ROBO2: variants seen among roughly 807,000 people sequenced by gnomAD.
ROBO2 encodes the protein roundabout guidance receptor 2.
ROBO2 carries 53 observed loss-of-function variants against 160.8 expected under a neutral mutation model. The ratio of observed to expected loss-of-function variants is 0.33; its 90% CI spans 0.26 to 0.41. The LOEUF is 0.41. ROBO2 is among the 10% of genes least tolerant of loss of function. The probability of loss-of-function intolerance (pLI) is 1.00; values close to 1 mark genes in which losing one functional copy is unlikely to be tolerated. For missense variants in ROBO2, 1,577 were observed against 1,722.4 expected, an observed-to-expected ratio of 0.92 and a Z score of 1.49; for synonymous variants, 664 against 611.7, an observed-to-expected ratio of 1.09 and a Z score of -1.26.
At chr3:76,207,002 G>C in intron 2 of ROBO2, among the ~76,000 whole-genome samples, 1 of 152,016 alleles carries the variant, frequency 6.6e-6, no homozygotes, top group Non-Finnish European at 1.5e-5. Context: ...ATAAATTTTA[G>C]ATATAACCAC....
intron 2 of ROBO2, among the ~76,000 whole-genome samples, chr3:76,160,670 T>A (rs1476659474): frequency 6.6e-6 from 1 of 152,212 alleles, no homozygotes; most frequent in Non-Finnish European, 1.5e-5. Flanking sequence ...AGCCTCATCA[T>A]AAATTTGATA....
intron 2 of ROBO2, among the ~76,000 whole-genome samples, chr3:75,953,677 C>T (rs1188518086): frequency 6.6e-6 from 1 of 151,888 alleles, no homozygotes; most frequent in Non-Finnish European, 1.5e-5. Flanking sequence ...AGGCCCCTTT[C>T]AAACAGTCAT....
At chr3:76,702,442 A>G (rs1347482637) in intron 2 of ROBO2, among the ~76,000 whole-genome samples, 1 of 151,662 alleles carries the variant, frequency 6.6e-6, no homozygotes, top group African/African-American at 2.4e-5. Flanking sequence ...TGAGGTTCAT[A>G]TACAAAACAA....
chr3:76,834,275 G>A (rs1167718369), intron 2 of ROBO2, among the ~76,000 whole-genome samples: 1 of 149,818 alleles, frequency 6.7e-6, no homozygotes, highest in Non-Finnish European at 1.5e-5. Flanking sequence ...TACAATCATA[G>A]CTCCTGGGCT....
At position 76,751,884 on chromosome 3, in the gene ROBO2, C is replaced by T. The variant is rs532693497; in HGVS notation, c.110-346130C>T. Among the ~76,000 whole-genome samples, 20 of 152,008 alleles carry T rather than the reference C, an allele frequency of 1.3e-4. No individual in the cohort carries two copies. In the South Asian group the frequency reaches 3.1e-3, roughly 24 times the overall value. Reference sequence around the variant, plus strand: ...TCAACCATTGTGGAAGACAGTGTGGCGATTCCTCAAGGATCTAGAACTAGA... The same window carrying T: ...TCAACCATTGTGGAAGACAGTGTGGTGATTCCTCAAGGATCTAGAACTAGA... On this transcript the variant is annotated intron_variant, in intron 2 of 26. Coordinates refer to the ROBO2 transcript ENST00000487694.
chr3:77,387,553 T>C (rs1206719251), intron 2 of ROBO2, among the ~76,000 whole-genome samples: 1 of 151,690 alleles, frequency 6.6e-6, no homozygotes, highest in Non-Finnish European at 1.5e-5. Context: ...AACTGCTGCC[T>C]GAAATTTTCT....
intron 2 of ROBO2, among the ~76,000 whole-genome samples, chr3:77,359,709 C>T (rs189889284): frequency 2.0e-5 from 3 of 152,230 alleles, no homozygotes; most frequent in East Asian, 1.9e-4. Context: ...AATGAGGTCT[C>T]GCCCTTTCAC....
At chr3:77,290,458 T>G (rs373331515) in intron 2 of ROBO2, among the ~76,000 whole-genome samples, 53 of 8,960 alleles carry the variant, frequency 5.9e-3, no homozygotes, top group African/African-American at 9.6e-3. Flanking sequence ...AGAATTGATG[T>G]TTAAATGGGT....
intron 1 of ROBO2, among the ~76,000 whole-genome samples, chr3:75,931,192 T>A (rs1329656271): frequency 6.6e-6 from 1 of 152,228 alleles, no homozygotes; most frequent in Non-Finnish European, 1.5e-5. Context: ...GCCAAGATGT[T>A]GCTCATATAT....
chr3:77,370,899 A>T (rs190024595), intron 2 of ROBO2, among the ~76,000 whole-genome samples: 55 of 152,218 alleles, frequency 3.6e-4, no homozygotes, highest in East Asian at 1.9e-4. Context: ...ACTTTTACAG[A>T]TCTCTGCCCT....
intron 2 of ROBO2, among the ~76,000 whole-genome samples, chr3:76,907,989 A>G (rs2075728552): frequency 6.6e-6 from 1 of 152,088 alleles, no homozygotes; most frequent in Middle Eastern, 3.4e-3. Context: ...ATAGGCGCCC[A>G]CCACCGTGCC....
At chr3:76,122,043 GA>G (rs1334164230) in intron 2 of ROBO2, among the ~76,000 whole-genome samples, 1 of 152,140 alleles carries the variant, frequency 6.6e-6, no homozygotes, top group Admixed American at 6.5e-5. Context: ...TGAATGCATG[GA>G]AAGCCTGCAT....
At chr3:77,049,805 G>C (rs1290021961) in intron 1 of ROBO2, among the ~76,000 whole-genome samples, 2 of 152,128 alleles carry the variant, frequency 1.3e-5, no homozygotes, top group African/African-American at 4.8e-5. Context: ...CCACTGAAAG[G>C]CTTTTCAAGT....
chr3:76,841,744 A>G (rs1475947073), intron 2 of ROBO2, among the ~76,000 whole-genome samples: 2 of 152,222 alleles, frequency 1.3e-5, no homozygotes, highest in Non-Finnish European at 2.9e-5. Context: ...GCCGCTTCTA[A>G]ATCCTCAAGA....
chr3:76,418,162 A>G (rs1188955023), intron 2 of ROBO2, among the ~76,000 whole-genome samples: 1 of 151,856 alleles, frequency 6.6e-6, no homozygotes, highest in Non-Finnish European at 1.5e-5. Context: ...CAAATTTATA[A>G]TTATATAACT....
At chr3:77,122,878 T>C (rs2074919273) in intron 2 of ROBO2, among the ~76,000 whole-genome samples, 1 of 152,216 alleles carries the variant, frequency 6.6e-6, no homozygotes, top group African/African-American at 2.4e-5. Flanking sequence ...TTCACACTAA[T>C]GGTGTTTGAG....
At chr3:76,056,509 G>A (rs6790982) in intron 2 of ROBO2, among the ~76,000 whole-genome samples, 92,529 of 148,590 alleles carry the variant, frequency 0.62, 28,997 homozygotes, top group African/African-American at 0.76. Flanking sequence ...TAAAATTGAA[G>A]AAAAAAAACC....
chr3:76,132,416 T>G, intron 2 of ROBO2, among the ~76,000 whole-genome samples: 1 of 139,938 alleles, frequency 7.1e-6, no homozygotes, highest in African/African-American at 2.6e-5. Flanking sequence ...GGGACGCAGA[T>G]GTTCAGCATA....
intron 2 of ROBO2, among the ~76,000 whole-genome samples, chr3:77,472,083 T>A (rs2083412213): frequency 1.3e-5 from 2 of 152,142 alleles, no homozygotes; most frequent in Non-Finnish European, 2.9e-5. Flanking sequence ...TGGCGTATTT[T>A]GGGGTATCAT....
Sources: gnomAD v4.1 joint callset for allele counts (sites outside exome capture counted in the v4.1 genomes callset) on GRCh38, gnomAD v4.1.1 for gene constraint, MANE v1.5 for transcripts, NCBI Gene and HGNC (gene_info 2026-07-23, HGNC 2026-07-21) for gene names.